Variants in CAMKMT observed in about 807,000 individuals in gnomAD.
CAMKMT encodes the protein CaM KMT.
A neutral mutation model predicts 48.0 loss-of-function variants in CAMKMT; 53 were observed. That is an observed-to-expected ratio of 1.10 (90% CI 0.89 to 1.39). The LOEUF is 1.39. Ranked by LOEUF, CAMKMT falls within the 40% of genes most tolerant of loss-of-function variation. The pLI is 0.00. For synonymous variants in CAMKMT, 165 were observed against 152.3 expected, an observed-to-expected ratio of 1.08 and a Z score of -0.61; for missense variants, 428 against 402.7, an observed-to-expected ratio of 1.06 and a Z score of -0.54.
chr2:44,431,420 C>A (rs1340301509), intron 3 of CAMKMT, among the ~76,000 whole-genome samples: 1 of 152,098 alleles, frequency 6.6e-6, no homozygotes, highest in Non-Finnish European at 1.5e-5. Flanking sequence ...AAAATGGCCT[C>A]CAGAAGCTGC....
At chr2:44,727,881 T>A (rs1467210701) in intron 7 of CAMKMT, among the ~76,000 whole-genome samples, 2 of 152,160 alleles carry the variant, frequency 1.3e-5, no homozygotes, top group Non-Finnish European at 2.9e-5. Flanking sequence ...GGTTTTTGCT[T>A]TTGATTCTGT....
chr2:44,476,595 A>C (rs1180465367), intron 3 of CAMKMT, among the ~76,000 whole-genome samples: 1 of 152,048 alleles, frequency 6.6e-6, no homozygotes, highest in African/African-American at 2.4e-5. Flanking sequence ...TGTGTAAAAA[A>C]AAACTTTATA....
At chr2:44,558,955 C>CTGTGTG (rs4039615) in intron 3 of CAMKMT, among the ~76,000 whole-genome samples, 131 of 151,228 alleles carry the variant, frequency 8.7e-4, no homozygotes, top group African/African-American at 3.0e-3. Context: ...AAATGTGTCT[C>CTGTGTG]TGTGTGTGTG....
intron 3 of CAMKMT, among the ~76,000 whole-genome samples, chr2:44,667,952 A>G (rs1018718431): frequency 1.2e-4 from 18 of 152,086 alleles, no homozygotes; most frequent in African/African-American, 4.1e-4. Flanking sequence ...CTCAGCCTCT[A>G]TGCCCCTTCC....
At chr2:44,478,892 G>T (rs1668825766) in intron 3 of CAMKMT, among the ~76,000 whole-genome samples, 1 of 151,966 alleles carries the variant, frequency 6.6e-6, no homozygotes, top group Non-Finnish European at 1.5e-5. Context: ...GTAGAGACGG[G>T]GTTTCATCAT....
At chr2:44,411,328 A>T (rs1683190908) in intron 3 of CAMKMT, among the ~76,000 whole-genome samples, 1 of 152,206 alleles carries the variant, frequency 6.6e-6, no homozygotes, top group South Asian at 2.1e-4. Flanking sequence ...GGGGATACAA[A>T]GGTGAAAAAA....
intron 3 of CAMKMT, among the ~76,000 whole-genome samples, chr2:44,511,379 A>G (rs573407458): frequency 1.3e-5 from 2 of 152,066 alleles, no homozygotes; most frequent in Non-Finnish European, 2.9e-5. Flanking sequence ...ACCTCCGCCT[A>G]CTAGGTTCAA....
chr2:44,396,160 C>A (rs1347419388), intron 3 of CAMKMT, among the ~76,000 whole-genome samples: 2 of 151,988 alleles, frequency 1.3e-5, no homozygotes, highest in Non-Finnish European at 2.9e-5. Context: ...AAACATAACA[C>A]TCTTAGATAT....
chr2:44,705,952 T>TTC (rs1443459927), intron 4 of CAMKMT, among the ~76,000 whole-genome samples: 1 of 152,214 alleles, frequency 6.6e-6, no homozygotes, highest in Non-Finnish European at 1.5e-5. Flanking sequence ...TTCCTAACAC[T>TTC]TCTCTTTCGC....
At chr2:44,453,507 T>G (rs779226695) in intron 3 of CAMKMT, among the ~76,000 whole-genome samples, 1 of 152,072 alleles carries the variant, frequency 6.6e-6, no homozygotes, top group African/African-American at 2.4e-5. Flanking sequence ...CATTACTGAA[T>G]GTAATGAACA....
At chr2:44,616,546 G>T (rs1376901833) in intron 3 of CAMKMT, among the ~76,000 whole-genome samples, 11 of 138,788 alleles carry the variant, frequency 7.9e-5, no homozygotes, top group Admixed American at 1.5e-4. Flanking sequence ...ATATTTTTTT[G>T]ATTCACCAGA....
intron 3 of CAMKMT, among the ~76,000 whole-genome samples, chr2:44,404,948 G>A (rs541447082): frequency 6.6e-6 from 1 of 151,974 alleles, no homozygotes. Flanking sequence ...GCTCCAAAAA[G>A]GATTTTGATA....
At chr2:44,554,438 A>G (rs1387521886) in intron 3 of CAMKMT, among the ~76,000 whole-genome samples, 1 of 152,192 alleles carries the variant, frequency 6.6e-6, no homozygotes, top group Non-Finnish European at 1.5e-5. Flanking sequence ...ACAGTACTTG[A>G]TACACAATAA....
At chr2:44,717,570 T>A (rs912904973) in intron 7 of CAMKMT, among the ~76,000 whole-genome samples, 1 of 152,174 alleles carries the variant, frequency 6.6e-6, no homozygotes, top group Non-Finnish European at 1.5e-5. Context: ...AAGATAGAGT[T>A]CAATATTCTT....
intron 3 of CAMKMT, among the ~76,000 whole-genome samples, chr2:44,528,683 A>G (rs115267336): frequency 0.023 from 3,500 of 152,160 alleles, 149 homozygotes; most frequent in African/African-American, 0.081. Context: ...GTCTCTTTCA[A>G]TCTATAGCTT....
At chr2:44,718,866 T>C (rs1678309405) in intron 7 of CAMKMT, among the ~76,000 whole-genome samples, 1 of 152,234 alleles carries the variant, frequency 6.6e-6, no homozygotes, top group African/African-American at 2.4e-5. Context: ...ATGGAACTTG[T>C]GTTAAGACTT....
At chr2:44,672,925 C>A (rs934834328) in intron 3 of CAMKMT, among the ~76,000 whole-genome samples, 2 of 152,150 alleles carry the variant, frequency 1.3e-5, no homozygotes, top group South Asian at 2.1e-4. Flanking sequence ...CATTTCATAA[C>A]TACTAATCAA....
intron 3 of CAMKMT, among the ~76,000 whole-genome samples, chr2:44,439,959 T>C (rs926386515): frequency 1.3e-5 from 2 of 152,160 alleles, no homozygotes; most frequent in Non-Finnish European, 2.9e-5. Flanking sequence ...ATAAATATTT[T>C]CTACTTGGAG....
intron 7 of CAMKMT, among the ~76,000 whole-genome samples, chr2:44,724,754 A>G (rs1573172355): frequency 6.6e-6 from 1 of 152,268 alleles, no homozygotes; most frequent in Non-Finnish European, 1.5e-5. Flanking sequence ...TGTATAGATA[A>G]GAAAGTAATT....
Sources: gnomAD v4.1 joint callset for allele counts (sites outside exome capture counted in the v4.1 genomes callset) on GRCh38, gnomAD v4.1.1 for gene constraint, MANE v1.5 for transcripts, NCBI Gene and HGNC (gene_info 2026-07-23, HGNC 2026-07-21) for gene names.